The following IL1RAPL2 variants were observed in gnomAD, a reference collection of about 807,000 sequenced individuals.
The protein encoded by IL1RAPL2 is interleukin 1 receptor accessory protein like 2.
IL1RAPL2 carries 3 observed loss-of-function variants against 44.1 expected under a neutral mutation model. The observed-to-expected ratio is 0.07, with a 90% CI of 0.03 to 0.18. The LOEUF (loss-of-function observed/expected upper bound fraction) is 0.18, where lower values mean the gene tolerates loss of function less well. Ranked by LOEUF, IL1RAPL2 falls within the 10% of genes least tolerant of loss-of-function variation. The pLI is 1.00. For synonymous variants in IL1RAPL2, 181 were observed against 178.8 expected (o/e 1.01, Z -0.10); for missense variants, 391 against 496.4 (o/e 0.79, Z 2.02).
chrX:105,665,344 C>CGCGTGT (rs1197936624), intron 6 of IL1RAPL2, among the ~76,000 whole-genome samples: 3,226 of 98,496 alleles, frequency 0.033, 81 homozygotes, highest in African/African-American at 0.07. Context: ...TATGCGCGTG[C>CGCGTGT]GTGTGTGTGT....
chrX:105,408,875 G>A (rs1032705950), intron 5 of IL1RAPL2, among the ~76,000 whole-genome samples: 2 of 8,464 alleles, frequency 2.4e-4, no homozygotes, highest in Non-Finnish European at 1.0e-3. Context: ...GATATAAAGT[G>A]TTGAAAAAAA....
chrX:105,502,716 A>G (rs1292102133), intron 6 of IL1RAPL2, among the ~76,000 whole-genome samples: 2 of 90,095 alleles, frequency 2.2e-5, no homozygotes, highest in Non-Finnish European at 3.8e-5. Context: ...TGAAAAATAC[A>G]TTCTTTTTTT....
chrX:105,104,726 A>G (rs2032715907), intron 2 of IL1RAPL2, among the ~76,000 whole-genome samples: 1 of 112,228 alleles, frequency 8.9e-6, no homozygotes, highest in Admixed American at 9.5e-5. Flanking sequence ...TGAATCAAAC[A>G]AACGTGACCT....
At chrX:105,555,497 C>T (rs751118539) in intron 6 of IL1RAPL2, among the ~76,000 whole-genome samples, 5 of 112,043 alleles carry the variant, frequency 4.5e-5, no homozygotes, top group Non-Finnish European at 7.5e-5. Context: ...GTTACTCTTT[C>T]GTGGCTGTAA....
At position 104,663,038 on chromosome X, in the gene IL1RAPL2, C is replaced by CT. The variant is rs200902149; in HGVS notation, c.82+4044dup. The stretch of plus-strand genomic sequence containing the variant: ...GTGGTAAGAAGAATGTGAAGACTTG[C>CT]TGGCACACAGTGGGTATTTAAAGAT... On this transcript the variant is annotated intron_variant, in intron 2 of 10. Coordinates refer to ENST00000372582, the MANE Select transcript of IL1RAPL2 (RefSeq NM_017416.2). Among the ~76,000 whole-genome samples the CT allele has an allele frequency of 7.7e-3, 864 of 112,038 alleles. 30 individuals carry two copies. Among genetic ancestry groups the CT allele is most frequent in the East Asian group, 0.064 (226 of 3,509 alleles).
chrX:105,152,087 A>C (rs767800899), intron 2 of IL1RAPL2, among the ~76,000 whole-genome samples: 1 of 110,839 alleles, frequency 9.0e-6, no homozygotes, highest in African/African-American at 3.3e-5. Context: ...ATTCTCACAA[A>C]TCACCACCAA....
At chrX:105,626,683 A>G (rs2037455354) in intron 6 of IL1RAPL2, among the ~76,000 whole-genome samples, 2 of 111,731 alleles carry the variant, frequency 1.8e-5, no homozygotes, top group African/African-American at 6.5e-5. Context: ...GAAGTCTGGG[A>G]TTTTAGTGTA....
chrX:105,030,848 C>T (rs2031478471), intron 2 of IL1RAPL2, among the ~76,000 whole-genome samples: 1 of 111,794 alleles, frequency 8.9e-6, no homozygotes, highest in South Asian at 3.7e-4. Flanking sequence ...TGGCAATTTT[C>T]ACGATATTGA....
At chrX:104,634,204 A>T (rs12398639) in intron 1 of IL1RAPL2, among the ~76,000 whole-genome samples, 2 of 110,000 alleles carry the variant, frequency 1.8e-5, no homozygotes, top group African/African-American at 3.3e-5. Context: ...CTGTGGTCTG[A>T]GAGACAGTTT....
intron 6 of IL1RAPL2, among the ~76,000 whole-genome samples, chrX:105,599,854 T>TA (rs994028270): frequency 2.4e-4 from 26 of 109,653 alleles, no homozygotes; most frequent in Admixed American, 5.9e-4. Flanking sequence ...TTAGTCTTGG[T>TA]AAAAAAAAAT....
chrX:105,598,780 C>A (rs1569457492), intron 6 of IL1RAPL2, among the ~76,000 whole-genome samples: 1 of 112,067 alleles, frequency 8.9e-6, no homozygotes, highest in Non-Finnish European at 1.9e-5. Context: ...CATCTCCTCA[C>A]CTAATCATCA....
intron 5 of IL1RAPL2, among the ~76,000 whole-genome samples, chrX:105,450,941 T>G (rs2147761629): frequency 9.1e-6 from 1 of 109,346 alleles, no homozygotes; most frequent in Non-Finnish European, 1.9e-5. Context: ...TGTGTGTGTG[T>G]GGTTTACTGC....
At chrX:105,730,369 A>C (rs1236653365) in intron 7 of IL1RAPL2, among the ~76,000 whole-genome samples, 1 of 111,527 alleles carries the variant, frequency 9.0e-6, no homozygotes, top group Non-Finnish European at 1.9e-5. Flanking sequence ...ATATAAAGCA[A>C]ATATTTTTAG....
At chrX:105,035,628 T>A (rs895838493) in intron 2 of IL1RAPL2, among the ~76,000 whole-genome samples, 3 of 112,401 alleles carry the variant, frequency 2.7e-5, no homozygotes, top group Non-Finnish European at 5.6e-5. Context: ...AATACCTATT[T>A]ATATCCCATG....
chrX:105,231,689 C>G (rs782624421), intron 3 of IL1RAPL2, among the ~76,000 whole-genome samples: 2 of 111,746 alleles, frequency 1.8e-5, no homozygotes, highest in Admixed American at 9.5e-5. Context: ...CAGATAAGAG[C>G]AAGTACAAAG....
intron 2 of IL1RAPL2, among the ~76,000 whole-genome samples, chrX:104,995,653 C>T (rs897349367): frequency 6.3e-5 from 7 of 111,879 alleles, no homozygotes; most frequent in African/African-American, 2.3e-4. Flanking sequence ...GTCTCAAGAG[C>T]AAAGTCACAA....
intron 7 of IL1RAPL2, among the ~76,000 whole-genome samples, chrX:105,727,932 A>AGAGT (rs1556395017): frequency 9.0e-6 from 1 of 111,613 alleles, no homozygotes; most frequent in African/African-American, 3.2e-5. Flanking sequence ...TGGAAAGTAC[A>AGAGT]GAGTTCCCAC....
At chrX:105,683,018 A>T (rs764394681) in intron 6 of IL1RAPL2, among the ~76,000 whole-genome samples, 1 of 112,229 alleles carries the variant, frequency 8.9e-6, no homozygotes, top group Non-Finnish European at 1.9e-5. Flanking sequence ...AAAACTTAGA[A>T]GATAACGTGA....
intron 5 of IL1RAPL2, among the ~76,000 whole-genome samples, chrX:105,312,675 T>G (rs1406991): frequency 0.23 from 25,352 of 110,855 alleles, 6,350 homozygotes; most frequent in African/African-American, 0.75. Flanking sequence ...TTATATACAT[T>G]GTAAATAGTT....
Sources: allele counts gnomAD v4.1 joint callset (sites outside exome capture counted in the v4.1 genomes callset), GRCh38; gene constraint gnomAD v4.1.1; transcripts MANE v1.5; gene names NCBI Gene and HGNC (gene_info 2026-07-23, HGNC 2026-07-21).